HIP1: variants seen among roughly 807,000 people sequenced by gnomAD.
HIP1 encodes the protein huntingtin-interacting protein 1.
A neutral mutation model predicts 147.6 loss-of-function variants in HIP1; 65 were observed. The observed-to-expected ratio is 0.44, with a 90% CI of 0.36 to 0.54. The LOEUF (loss-of-function observed/expected upper bound fraction) is 0.54, where lower values mean the gene tolerates loss of function less well. HIP1 is among the 20% of genes least tolerant of loss of function. The pLI is 0.00. For synonymous variants in HIP1, 479 were observed against 504.0 expected, an observed-to-expected ratio of 0.95 and a Z score of 0.67; for missense variants, 1,061 against 1,299.6, an observed-to-expected ratio of 0.82 and a Z score of 2.82.
chr7:75,539,228 G>T, intron 30 of HIP1, 95 bp downstream of exon 30: 1 of 808,204 alleles, frequency 1.2e-6, no homozygotes, highest in Non-Finnish European at 2.1e-6. Context: ...CCGATCTGGT[G>T]GGTTCCTTGT....
chr7:75,658,951 G>T (rs948279755), intron 1 of HIP1, among the ~76,000 whole-genome samples: 2 of 152,022 alleles, frequency 1.3e-5, no homozygotes, highest in Non-Finnish European at 2.9e-5. Context: ...CAGGAAGAAA[G>T]CAAACTAAGG....
At chr7:75,651,463 A>AAAG (rs1798983852) in intron 1 of HIP1, among the ~76,000 whole-genome samples, 1 of 91,680 alleles carries the variant, frequency 1.1e-5, no homozygotes. Context: ...CATATCTCAA[A>AAAG]AAAAAAAAAA....
intron 1 of HIP1, among the ~76,000 whole-genome samples, chr7:75,702,266 A>G (rs948547835): frequency 8.6e-4 from 131 of 152,104 alleles, no homozygotes; most frequent in African/African-American, 3.1e-3. Flanking sequence ...ACGCACCACC[A>G]CATCTGGCAA....
intron 2 of HIP1, among the ~76,000 whole-genome samples, chr7:75,594,502 G>T (rs73139378): frequency 3.9e-5 from 6 of 152,056 alleles, no homozygotes; most frequent in Non-Finnish European, 7.4e-5. Flanking sequence ...AGGGTTGGGC[G>T]TGGTGGCTCA....
At chr7:75,689,364 G>A (rs965607664) in intron 1 of HIP1, among the ~76,000 whole-genome samples, 1 of 151,908 alleles carries the variant, frequency 6.6e-6, no homozygotes, top group African/African-American at 2.4e-5. Flanking sequence ...AAATTAGCTG[G>A]GTATGGGAGT....
At chr7:75,705,652 G>A (rs1410852467) in intron 1 of HIP1, among the ~76,000 whole-genome samples, 1 of 152,094 alleles carries the variant, frequency 6.6e-6, no homozygotes, top group Non-Finnish European at 1.5e-5. Flanking sequence ...ACCACGCCTG[G>A]CCAGATCTCT....
At chr7:75,678,070 G>C (rs990061060) in intron 1 of HIP1, among the ~76,000 whole-genome samples, 1 of 151,862 alleles carries the variant, frequency 6.6e-6, no homozygotes, top group Admixed American at 6.6e-5. Flanking sequence ...CTTGCTTACT[G>C]TCTGATTTCT....
At position 75,664,810 on chromosome 7, in the gene HIP1, G is replaced by A. The variant is rs527278738; in HGVS notation, c.121-65563C>T. On this transcript the variant is annotated intron_variant, in intron 1 of 30. Transcript: ENST00000336926. The stretch of plus-strand genomic sequence containing the variant: ...TAATTTTTGTATTTTTAGTAGGGTT[G>A]GGATTTCACCATATTGGCCAGGCTG... 5.9e-5 allele frequency among the ~76,000 whole-genome samples: 9 copies of A among 152,196 alleles called. No individual in the cohort carries two copies. In the East Asian group the frequency reaches 1.4e-3, roughly 23 times the overall value.
chr7:75,541,612 C>T (rs587725260), intron 29 of HIP1, among the ~76,000 whole-genome samples: 122 of 151,796 alleles, frequency 8.0e-4, no homozygotes, highest in Non-Finnish European at 1.5e-3. Flanking sequence ...AGAAGAATTG[C>T]TTGAACCTGG....
chr7:75,696,650 G>A (rs1554518792), intron 1 of HIP1, among the ~76,000 whole-genome samples: 1 of 147,392 alleles, frequency 6.8e-6, no homozygotes. Flanking sequence ...GCCCATGCCA[G>A]AGTGCAGTGG....
intron 1 of HIP1, among the ~76,000 whole-genome samples, chr7:75,654,973 G>A (rs1424148972): frequency 6.6e-6 from 1 of 152,016 alleles, no homozygotes; most frequent in Non-Finnish European, 1.5e-5. Context: ...ACATACCAAG[G>A]CCCCATCTCT....
chr7:75,678,426 C>G (rs1420993906), intron 1 of HIP1, among the ~76,000 whole-genome samples: 4 of 148,188 alleles, frequency 2.7e-5, no homozygotes, highest in Non-Finnish European at 4.5e-5. Flanking sequence ...TCACTGCAAC[C>G]TCCCTCTCCC....
At chr7:75,569,792 A>T (rs111681061) in intron 8 of HIP1, among the ~76,000 whole-genome samples, 2,117 of 152,298 alleles carry the variant, frequency 0.014, 49 homozygotes, top group African/African-American at 0.048. Flanking sequence ...GTCATCAAAA[A>T]TAAGGGAAGT....
At chr7:75,607,288 G>T (rs1425956093) in intron 1 of HIP1, among the ~76,000 whole-genome samples, 1 of 146,788 alleles carries the variant, frequency 6.8e-6, no homozygotes, top group Non-Finnish European at 1.5e-5. Flanking sequence ...GGAGTGCAGT[G>T]GTGTGATCTC....
At chr7:75,617,210 G>A (rs921831659) in intron 1 of HIP1, among the ~76,000 whole-genome samples, 1 of 151,728 alleles carries the variant, frequency 6.6e-6, no homozygotes, top group African/African-American at 2.4e-5. Context: ...AAGTCGCTGC[G>A]ATTACAGGCA....
intron 1 of HIP1, among the ~76,000 whole-genome samples, chr7:75,733,047 TAAAC>T (rs2117411377): frequency 6.6e-6 from 1 of 152,284 alleles, no homozygotes; most frequent in South Asian, 2.1e-4. Flanking sequence ...GTTGAAGAAA[TAAAC>T]AAACCATGGA....
At chr7:75,691,987 A>G (rs1554518197) in intron 1 of HIP1, among the ~76,000 whole-genome samples, 1 of 152,048 alleles carries the variant, frequency 6.6e-6, no homozygotes, top group African/African-American at 2.4e-5. Context: ...GCTGTACAAC[A>G]CTGTGGAAGT....
chr7:75,738,057 G>A (rs1802083285), intron 1 of HIP1, among the ~76,000 whole-genome samples: 3 of 152,162 alleles, frequency 2.0e-5, no homozygotes, highest in Admixed American at 1.3e-4. Context: ...CCAAGCCCTG[G>A]CCAGGCAGGA....
Position 75,538,077 on chromosome 7 carries a change from C to A in HIP1, c.*95G>T. The A allele has an allele frequency of 9.9e-7, 1 of 1,006,570 alleles. No homozygotes were observed. The highest frequency in any genetic ancestry group is 1.3e-5 in the South Asian group (1 of 78,420). 62.4% of individuals were successfully genotyped at this position (1,006,570 alleles called of 1,614,324 possible). Reference sequence around the variant, plus strand: ...GGTAATGGCAGTGGTGTGGCTGCCCCTGGGACTCCAAGGATTTGGCCTGTG... The same window carrying A: ...GGTAATGGCAGTGGTGTGGCTGCCCATGGGACTCCAAGGATTTGGCCTGTG... On this transcript the variant is annotated 3_prime_UTR_variant, in exon 31 of 31. Coordinates refer to ENST00000336926, the MANE Select transcript of HIP1 (RefSeq NM_005338.7).
Sources: allele counts gnomAD v4.1 joint callset (sites outside exome capture counted in the v4.1 genomes callset), GRCh38; gene constraint gnomAD v4.1.1; transcripts MANE v1.5; gene names NCBI Gene and HGNC (gene_info 2026-07-23, HGNC 2026-07-21).